Variants in MPHOSPH8 observed in about 807,000 individuals in gnomAD.
MPHOSPH8 encodes M-phase phosphoprotein 8, also known as M-phase phosphoprotein, mpp.
In MPHOSPH8, 45 loss-of-function variants were observed where a neutral mutation model predicts 87.3. The ratio of observed to expected loss-of-function variants is 0.52; its 90% CI spans 0.41 to 0.66. The LOEUF (loss-of-function observed/expected upper bound fraction) is 0.66, where lower values mean the gene tolerates loss of function less well. Ranked by LOEUF, MPHOSPH8 falls within the 30% of genes least tolerant of loss-of-function variation. The pLI is 0.00. For synonymous variants in MPHOSPH8, 366 were observed against 376.9 expected, an observed-to-expected ratio of 0.97 and a Z score of 0.33; for missense variants, 883 against 1,020.2, an observed-to-expected ratio of 0.87 and a Z score of 1.83.
At chr13:19,650,379 T>A in intron 5 of MPHOSPH8, 119 bp downstream of exon 5, 1 of 1,145,850 alleles carries the variant, frequency 8.7e-7, no homozygotes, top group Non-Finnish European at 1.2e-6. Context: ...AGAGTTTATT[T>A]GGATCTCCTG....
Position 19,666,633 on chromosome 13 carries a change from T to C in MPHOSPH8, c.2174+54T>C, listed in dbSNP as rs1219483137. The C allele has an allele frequency of 1.8e-5, 27 of 1,470,316 alleles. No homozygotes were observed. In the East Asian group the frequency reaches 4.6e-4, roughly 25 times the overall value. 91.1% of individuals were successfully genotyped at this position (1,470,316 alleles called of 1,614,324 possible). On this transcript the variant is annotated intron_variant, in intron 10 of 13. Transcript: ENST00000361479. ...AAGTCACATATCATACATCTGTTTA[T>C]GTAGACATATTATAATTGGAGTGGC...
At chr13:19,664,014 CCTT>C (rs1438670164) in intron 9 of MPHOSPH8, among the ~76,000 whole-genome samples, 4 of 152,170 alleles carry the variant, frequency 2.6e-5, no homozygotes, top group African/African-American at 4.8e-5. Flanking sequence ...TAAACAGTCT[CCTT>C]CTGTCGCCCG....
chr13:19,639,771 C>T (rs1352887689), intron 1 of MPHOSPH8, among the ~76,000 whole-genome samples: 1 of 152,178 alleles, frequency 6.6e-6, no homozygotes, highest in Non-Finnish European at 1.5e-5. Context: ...GTTACAGATG[C>T]ATTGCCAAAT....
Position 19,671,927 on chromosome 13 carries a change from CTT to C in MPHOSPH8, c.*54_*55del. On this transcript the variant is annotated 3_prime_UTR_variant, in exon 14 of 14. Transcript: ENST00000361479. ...CTCTTCAGACCGATTCCTATACTCT[CTT>C]TGACAGCAGTTTGGAATTCTTCTAG... 2 of 1,562,888 alleles carry C rather than the reference CTT, an allele frequency of 1.3e-6. No individual in the cohort carries two copies. The highest frequency in any genetic ancestry group is 8.8e-7 in the Non-Finnish European group (1 of 1,135,164).
In MPHOSPH8 at chr13:19,648,434, A is replaced by T. The variant is rs1409001743; in HGVS notation, c.1231A>T (p.Lys411Ter). The T allele has an allele frequency of 6.3e-7, 1 of 1,591,200 alleles. No homozygotes were observed. The highest frequency in any genetic ancestry group is 2.3e-5 in the East Asian group (1 of 43,774). Residue 411 changes from lysine to a stop codon, truncating the protein, a stop_gained, in exon 4 of 14, where the codon AAA becomes TAA. Transcript: ENST00000361479. LOFTEE classifies it high-confidence loss of function. ...TDSAEEDKET[K>*]RNESKEKYQK... ...ATGTCATTTTCAGGACAAAGAAACC[A>T]AAAGAAATGAATCCAAAGAAAAATA... is the stretch of plus-strand genomic sequence containing the variant.
intron 9 of MPHOSPH8, among the ~76,000 whole-genome samples, chr13:19,665,808 A>T (rs564009558): frequency 6.6e-6 from 1 of 152,324 alleles, no homozygotes; most frequent in South Asian, 2.1e-4. Flanking sequence ...ACTTATCTGA[A>T]GTCACGTGGC....
rs1406231180 is a variant in MPHOSPH8, at chr13:19,647,943, C to T, written c.1219-479C>T. Among the ~76,000 whole-genome samples the T allele has an allele frequency of 2.6e-5, 4 of 152,030 alleles. No individual in the cohort carries two copies. The East Asian group carries it at 7.7e-4, about 29-fold the overall frequency. ...GGCAGTATTATCTTCATTAGTGCTA[C>T]AGCAAAATAGAACAACTTAGAAAAT... On this transcript the variant is annotated intron_variant, in intron 3 of 13. Coordinates refer to ENST00000361479, the MANE Select transcript of MPHOSPH8 (RefSeq NM_017520.4).
At chr13:19,646,157 C>T (rs948353392) in intron 2 of MPHOSPH8, among the ~76,000 whole-genome samples, 3 of 152,042 alleles carry the variant, frequency 2.0e-5, no homozygotes, top group Non-Finnish European at 4.4e-5. Flanking sequence ...CATTTATAGC[C>T]CACCATACCT....
At chr13:19,643,703 T>C (rs1296711935) in intron 2 of MPHOSPH8, among the ~76,000 whole-genome samples, 1 of 152,196 alleles carries the variant, frequency 6.6e-6, no homozygotes, top group Admixed American at 6.5e-5. Flanking sequence ...ATTCAACATG[T>C]TACTATTGGT....
chr13:19,656,950 C>T (rs764933266), intron 5 of MPHOSPH8, among the ~76,000 whole-genome samples: 13 of 150,482 alleles, frequency 8.6e-5, no homozygotes, highest in Non-Finnish European at 1.6e-4. Context: ...GGTGAAACCC[C>T]GTCTCTACTA....
intron 2 of MPHOSPH8, among the ~76,000 whole-genome samples, chr13:19,644,017 C>T (rs1373795993): frequency 6.6e-6 from 1 of 152,196 alleles, no homozygotes; most frequent in Admixed American, 6.5e-5. Flanking sequence ...GAATGACAAA[C>T]AGTATTTGTT....
intron 9 of MPHOSPH8, 69 bp downstream of exon 9, chr13:19,663,195 T>G: frequency 7.6e-7 from 1 of 1,308,126 alleles, no homozygotes; most frequent in East Asian, 2.3e-5. Flanking sequence ...CATCTGCCAC[T>G]GCCAGGCACT....
intron 8 of MPHOSPH8, among the ~76,000 whole-genome samples, chr13:19,662,757 G>T (rs572081003): frequency 8.5e-5 from 13 of 152,274 alleles, no homozygotes; most frequent in African/African-American, 3.1e-4. Context: ...TAATTTAATT[G>T]AAATGTTTCC....
At chr13:19,653,267 C>T (rs79048012) in intron 5 of MPHOSPH8, among the ~76,000 whole-genome samples, 4 of 152,332 alleles carry the variant, frequency 2.6e-5, no homozygotes, top group East Asian at 1.9e-4. Flanking sequence ...CTGCAGCTTC[C>T]GCTGGTGATA....
At chr13:19,641,812 T>G (rs1874309257) in intron 1 of MPHOSPH8, among the ~76,000 whole-genome samples, 1 of 152,000 alleles carries the variant, frequency 6.6e-6, no homozygotes, top group Non-Finnish European at 1.5e-5. Flanking sequence ...TTTTGTATTT[T>G]TAGTAGAGAC....
intron 7 of MPHOSPH8, among the ~76,000 whole-genome samples, chr13:19,661,275 T>C (rs2125546): frequency 0.69 from 105,480 of 152,140 alleles, 39,212 homozygotes; most frequent in East Asian, 0.9. Context: ...ATTACATCTT[T>C]TAAAAAACCT....
chr13:19,648,323 G>A (rs1387618133), intron 3 of MPHOSPH8, 99 bp from the exon 4 acceptor site: 1 of 680,504 alleles, frequency 1.5e-6, no homozygotes, highest in Non-Finnish European at 2.5e-6. Context: ...ATACAAGGGT[G>A]ATTCCCTGAA....
At chr13:19,647,987 C>T (rs1459927229) in intron 3 of MPHOSPH8, among the ~76,000 whole-genome samples, 2 of 152,012 alleles carry the variant, frequency 1.3e-5, no homozygotes, top group Non-Finnish European at 2.9e-5. Flanking sequence ...GAAGAAAACC[C>T]TACATAAATG....
At chr13:19,634,049 C>G in intron 1 of MPHOSPH8, 88 bp downstream of exon 1, 2 of 1,332,450 alleles carry the variant, frequency 1.5e-6, no homozygotes, top group Non-Finnish European at 2.1e-6. Flanking sequence ...CGGGCAGACC[C>G]AAAACAGGAG....
Sources: allele counts gnomAD v4.1 joint callset (sites outside exome capture counted in the v4.1 genomes callset), GRCh38; gene constraint gnomAD v4.1.1; transcripts MANE v1.5; gene names NCBI Gene and HGNC (gene_info 2026-07-23, HGNC 2026-07-21).